AKR1C8: variants seen among roughly 807,000 people sequenced by gnomAD.
AKR1C8 encodes aldo-keto reductase family 1 member C8.
At chr10:5,178,739 C>G in the AKR1C8 span, among the ~76,000 whole-genome samples, 3 of 151,624 alleles carry the variant, frequency 2.0e-5, no homozygotes, top group East Asian at 3.9e-4. Flanking sequence ...ATGTAATGGC[C>G]TCATCTCTTT....
At chr10:5,160,753 T>TCC in the AKR1C8 span, 1 of 460,306 alleles carries the variant, frequency 2.2e-6, no homozygotes, top group South Asian at 1.6e-5. Context: ...TTCTGACCCC[T>TCC]CCTCCTGCAA....
the AKR1C8 span, chr10:5,159,834 G>T: frequency 2.1e-6 from 1 of 480,512 alleles, no homozygotes; most frequent in African/African-American, 2.0e-5. Flanking sequence ...AGCAGGAAGT[G>T]TGTGAACAGC....
chr10:5,131,170 A>G, the AKR1C8 span, among the ~76,000 whole-genome samples: 1 of 152,230 alleles, frequency 6.6e-6, no homozygotes, highest in East Asian at 1.9e-4. Context: ...CCTTATACAC[A>G]AATCAACTCA....
the AKR1C8 span, among the ~76,000 whole-genome samples, chr10:5,142,031 G>T: frequency 1.3e-5 from 2 of 151,998 alleles, no homozygotes; most frequent in Non-Finnish European, 2.9e-5. Context: ...TATTGTAGTC[G>T]CTTTCATTAA....
chr10:5,137,832 C>T, the AKR1C8 span, among the ~76,000 whole-genome samples: 1,257 of 152,112 alleles, frequency 8.3e-3, 6 homozygotes, highest in Non-Finnish European at 0.013. Context: ...CCTGCCTGAG[C>T]CTCAAAACCA....
At chr10:5,144,778 A>G in the AKR1C8 span, among the ~76,000 whole-genome samples, 9 of 152,014 alleles carry the variant, frequency 5.9e-5, no homozygotes, top group Admixed American at 3.9e-4. Flanking sequence ...GGGCTGAGAC[A>G]ATGGGGTTTT....
chr10:5,142,576 G>C, the AKR1C8 span, among the ~76,000 whole-genome samples: 1 of 152,052 alleles, frequency 6.6e-6, no homozygotes, highest in Admixed American at 6.6e-5. Context: ...ATTTGACCTA[G>C]TTTTAACATC....
chr10:5,132,474 T>A, the AKR1C8 span: 1 of 843,000 alleles, frequency 1.2e-6, no homozygotes, highest in Non-Finnish European at 1.6e-6. Context: ...TTTTAATACA[T>A]GAATATGTGT....
chr10:5,146,755 A>G, the AKR1C8 span, among the ~76,000 whole-genome samples: 9,303 of 152,196 alleles, frequency 0.061, 344 homozygotes, highest in Middle Eastern at 0.082. Flanking sequence ...CCAGCTACTT[A>G]TCTTTGCTTT....
At chr10:5,118,477 T>A in the AKR1C8 span, among the ~76,000 whole-genome samples, 4 of 152,188 alleles carry the variant, frequency 2.6e-5, no homozygotes, top group African/African-American at 9.6e-5. Context: ...GTTATGGCCA[T>A]AATTTACACA....
the AKR1C8 span, among the ~76,000 whole-genome samples, chr10:5,158,351 A>G: frequency 2.0e-5 from 3 of 152,200 alleles, no homozygotes; most frequent in Non-Finnish European, 4.4e-5. Context: ...AATCTTACCT[A>G]AAGACCACTT....
chr10:5,154,207 A>G, the AKR1C8 span: 4 of 469,784 alleles, frequency 8.5e-6, no homozygotes, highest in Non-Finnish European at 1.3e-5. Flanking sequence ...ATATTAATTT[A>G]GTAACTTTTT....
chr10:5,178,766 G>GA, the AKR1C8 span, among the ~76,000 whole-genome samples: 1 of 151,966 alleles, frequency 6.6e-6, no homozygotes, highest in Admixed American at 6.6e-5. Flanking sequence ...TTGTTGGTTT[G>GA]AAATCTGTTT....
At chr10:5,183,857 T>C in the AKR1C8 span, among the ~76,000 whole-genome samples, 1 of 152,186 alleles carries the variant, frequency 6.6e-6, no homozygotes, top group African/African-American at 2.4e-5. Flanking sequence ...CTTTGTCCTT[T>C]ATGCCTAAGA....
the AKR1C8 span, among the ~76,000 whole-genome samples, chr10:5,119,400 A>T: frequency 6.6e-6 from 1 of 152,314 alleles, no homozygotes; most frequent in East Asian, 1.9e-4. Context: ...CATAATCTAC[A>T]TGTAGAAGAT....
the AKR1C8 span, chr10:5,122,141 C>A: frequency 2.5e-6 from 1 of 399,274 alleles, no homozygotes; most frequent in Non-Finnish European, 5.2e-6. Context: ...CTTTCATGTC[C>A]TCTGGAGTCA....
At chr10:5,164,865 C>T in the AKR1C8 span, among the ~76,000 whole-genome samples, 1 of 152,284 alleles carries the variant, frequency 6.6e-6, no homozygotes, top group African/African-American at 2.4e-5. Context: ...GGCTTTGGCA[C>T]CAGAACTTCT....
At chr10:5,142,327 T>C in the AKR1C8 span, among the ~76,000 whole-genome samples, 2 of 152,126 alleles carry the variant, frequency 1.3e-5, no homozygotes, top group Non-Finnish European at 2.9e-5. Flanking sequence ...GTAGTAAAGC[T>C]TGTTTTGCAT....
chr10:5,144,285 T>C, the AKR1C8 span, among the ~76,000 whole-genome samples: 1 of 152,146 alleles, frequency 6.6e-6, no homozygotes, highest in Non-Finnish European at 1.5e-5. Flanking sequence ...AGCCTTGTAG[T>C]ATAGTTTGAA....
Sources: gnomAD v4.1 joint callset for allele counts (sites outside exome capture counted in the v4.1 genomes callset) on GRCh38, gnomAD v4.1.1 for gene constraint, MANE v1.5 for transcripts, NCBI Gene and HGNC (gene_info 2026-07-23, HGNC 2026-07-21) for gene names.